ROR2: variants seen among roughly 807,000 people sequenced by gnomAD.
ROR2 encodes ROR family WNT receptor 2, also known as tyrosine-protein kinase transmembrane receptor ROR2.
ROR2 carries 33 observed loss-of-function variants against 74.9 expected under a neutral mutation model. That is an observed-to-expected ratio of 0.44 (90% confidence interval 0.33 to 0.59). ROR2 has a LOEUF of 0.59. ROR2 is among the 20% of genes least tolerant of loss of function. The pLI is 0.02. For synonymous variants in ROR2, 586 were observed against 558.7 expected, an observed-to-expected ratio of 1.05 and a Z score of -0.69; for missense variants, 1,216 against 1,313.8, an observed-to-expected ratio of 0.93 and a Z score of 1.15.
intron 1 of ROR2, among the ~76,000 whole-genome samples, chr9:91,876,960 CAA>C (rs1167160473): frequency 6.6e-6 from 1 of 152,122 alleles, no homozygotes; most frequent in East Asian, 1.9e-4. Context: ...TGAGAACGAA[CAA>C]AAGACATGCA....
chr9:91,785,317 G>C (rs1826761307), intron 1 of ROR2, among the ~76,000 whole-genome samples: 1 of 152,218 alleles, frequency 6.6e-6, no homozygotes, highest in Non-Finnish European at 1.5e-5. Context: ...GTTTCAATGT[G>C]AGTTCCTACA....
At chr9:91,771,609 G>T (rs1826228655) in intron 2 of ROR2, among the ~76,000 whole-genome samples, 1 of 152,136 alleles carries the variant, frequency 6.6e-6, no homozygotes, top group Admixed American at 6.5e-5. Flanking sequence ...TATGAAAACT[G>T]AAGGCAAACT....
At chr9:91,781,913 T>A (rs140910409) in intron 1 of ROR2, among the ~76,000 whole-genome samples, 17 of 152,234 alleles carry the variant, frequency 1.1e-4, no homozygotes, top group Admixed American at 6.5e-5. Context: ...CAATATTGCC[T>A]TCATAAAGCT....
At chr9:91,948,128 T>C (rs1832062214) in intron 1 of ROR2, among the ~76,000 whole-genome samples, 1 of 152,214 alleles carries the variant, frequency 6.6e-6, no homozygotes, top group South Asian at 2.1e-4. Context: ...GGAACTTTCC[T>C]GTTACAACCA....
At chr9:91,880,947 T>C (rs1344317492) in intron 1 of ROR2, among the ~76,000 whole-genome samples, 1 of 152,206 alleles carries the variant, frequency 6.6e-6, no homozygotes, top group Non-Finnish European at 1.5e-5. Context: ...ATGCATCTGT[T>C]CTAATTTTGT....
chr9:91,928,077 C>T (rs372141837), intron 1 of ROR2, among the ~76,000 whole-genome samples: 2 of 152,116 alleles, frequency 1.3e-5, no homozygotes, highest in East Asian at 1.9e-4. Flanking sequence ...CCCCACTTCC[C>T]GCCACCTCCT....
intron 1 of ROR2, among the ~76,000 whole-genome samples, chr9:91,802,653 G>C (rs371878681): frequency 6.6e-6 from 1 of 151,818 alleles, no homozygotes; most frequent in South Asian, 2.1e-4. Flanking sequence ...CAAAACTCCA[G>C]TTTCAACAGC....
In ROR2 at chr9:91,840,413, G is replaced by A. The variant is rs912358942; in HGVS notation, c.98-64595C>T. Among the ~76,000 whole-genome samples the A allele has an allele frequency of 1.8e-4, 27 of 152,094 alleles. 1 individual carries two copies. The highest frequency in any genetic ancestry group is 6.5e-4 in the African/African-American group (27 of 41,408). On this transcript the variant is annotated intron_variant, in intron 1 of 8. Coordinates refer to ENST00000375708, the MANE Select transcript of ROR2 (RefSeq NM_004560.4). ...CACTTCCAAAGGCACCCTCCAGACG[G>A]GCCCACCATACCCAATTGCTTCAAG...
intron 1 of ROR2, among the ~76,000 whole-genome samples, chr9:91,878,653 T>C (rs10820908): frequency 0.25 from 38,304 of 152,212 alleles, 5,249 homozygotes; most frequent in Admixed American, 0.42. Flanking sequence ...AGCCAAACCA[T>C]AGCCCATCAT....
intron 1 of ROR2, among the ~76,000 whole-genome samples, chr9:91,781,213 G>C (rs1826609348): frequency 6.6e-6 from 1 of 152,206 alleles, no homozygotes; most frequent in African/African-American, 2.4e-5. Flanking sequence ...AAGAACAGAA[G>C]TCACGGCAGG....
At chr9:91,948,575 G>A in intron 1 of ROR2, 1 of 985,458 alleles carries the variant, frequency 1.0e-6, no homozygotes, top group Non-Finnish European at 1.2e-6. Flanking sequence ...CCCCCCCCAG[G>A]AAAGACTGTG....
intron 1 of ROR2, among the ~76,000 whole-genome samples, chr9:91,939,689 G>T (rs1371874280): frequency 3.3e-5 from 5 of 151,940 alleles, no homozygotes; most frequent in Non-Finnish European, 5.9e-5. Context: ...TGAGTATTTT[G>T]TGTTTGTTAC....
At chr9:91,838,378 G>T (rs551506711) in intron 1 of ROR2, among the ~76,000 whole-genome samples, 1 of 152,134 alleles carries the variant, frequency 6.6e-6, no homozygotes, top group East Asian at 1.9e-4. Flanking sequence ...GGGCTGAGAC[G>T]CCCTTCTGCA....
intron 1 of ROR2, among the ~76,000 whole-genome samples, chr9:91,921,969 A>G (rs568940494): frequency 6.6e-6 from 1 of 151,498 alleles, no homozygotes; most frequent in Non-Finnish European, 1.5e-5. Context: ...AAAAAAATAC[A>G]CAACTGGCCA....
chr9:91,756,044 C>T (rs935474058), intron 4 of ROR2, 27 bp downstream of exon 4: 14 of 1,611,868 alleles, frequency 8.7e-6, no homozygotes, highest in South Asian at 3.3e-5. Flanking sequence ...AGCAGCAGAA[C>T]ACGGCTTGGG....
At chr9:91,765,199 C>T (rs1826025529) in intron 2 of ROR2, among the ~76,000 whole-genome samples, 1 of 152,172 alleles carries the variant, frequency 6.6e-6, no homozygotes, top group Admixed American at 6.5e-5. Flanking sequence ...TTTTAATACT[C>T]CTTACCCTTT....
intron 2 of ROR2, among the ~76,000 whole-genome samples, chr9:91,770,903 G>A (rs561192332): frequency 1.3e-5 from 2 of 152,284 alleles, no homozygotes; most frequent in South Asian, 2.1e-4. Flanking sequence ...TAATTCGGCC[G>A]ATATGACCTA....
intron 1 of ROR2, among the ~76,000 whole-genome samples, chr9:91,874,215 G>A (rs11788423): frequency 0.056 from 8,573 of 152,246 alleles, 274 homozygotes; most frequent in East Asian, 0.093. Flanking sequence ...ATCTGCTTCA[G>A]AGCAGGATTA....
At chr9:91,805,150 G>GACC (rs1422337157) in intron 1 of ROR2, among the ~76,000 whole-genome samples, 1 of 152,164 alleles carries the variant, frequency 6.6e-6, no homozygotes, top group African/African-American at 2.4e-5. Context: ...CTGCCTCAGT[G>GACC]ACCACTGCAC....
Sources: gnomAD v4.1 joint callset for allele counts (sites outside exome capture counted in the v4.1 genomes callset) on GRCh38, gnomAD v4.1.1 for gene constraint, MANE v1.5 for transcripts, NCBI Gene and HGNC (gene_info 2026-07-23, HGNC 2026-07-21) for gene names.